The following ENOX1 variants were observed in gnomAD, a reference collection of about 807,000 sequenced individuals.
ENOX1 encodes candidate growth-related and time keeping constitutive hydroquinone (NADH) oxidase.
In ENOX1, 42 loss-of-function variants were observed where a neutral mutation model predicts 82.5. The observed-to-expected ratio is 0.51, with a 90% CI of 0.40 to 0.66. The LOEUF (loss-of-function observed/expected upper bound fraction) is 0.66. Among genes scored for constraint, ENOX1 ranks in the 30% least tolerant of loss-of-function variants. The pLI is 0.00. For missense variants in ENOX1, 608 were observed against 811.6 expected (o/e 0.75, Z 3.05); for synonymous variants, 271 against 282.2 (o/e 0.96, Z 0.40).
chr13:43,617,892 TTG>T (rs1435161723), intron 2 of ENOX1, among the ~76,000 whole-genome samples: 1 of 2,742 alleles, frequency 3.6e-4, no homozygotes, highest in Non-Finnish European at 3.8e-3. Context: ...ATCTACTGGT[TTG>T]TTGTTGTTGT....
intron 1 of ENOX1, among the ~76,000 whole-genome samples, chr13:43,678,590 A>G (rs2085629623): frequency 6.6e-6 from 1 of 152,200 alleles, no homozygotes; most frequent in Non-Finnish European, 1.5e-5. Context: ...TGGACTTTAG[A>G]ATTCCACAGA....
chr13:43,461,250 A>C (rs1009289804), intron 3 of ENOX1, among the ~76,000 whole-genome samples: 1 of 152,256 alleles, frequency 6.6e-6, no homozygotes, highest in Admixed American at 6.5e-5. Context: ...TGTTTAAAGC[A>C]AGGAGAAATC....
chr13:43,687,430 G>A (rs2086132868), intron 1 of ENOX1, among the ~76,000 whole-genome samples: 1 of 152,130 alleles, frequency 6.6e-6, no homozygotes, highest in African/African-American at 2.4e-5. Context: ...CGTATGTGTG[G>A]TTACACATGT....
chr13:43,670,213 TC>T (rs2085191743), intron 1 of ENOX1, among the ~76,000 whole-genome samples: 1 of 152,162 alleles, frequency 6.6e-6, no homozygotes, highest in Non-Finnish European at 1.5e-5. Context: ...ATGAAGATTA[TC>T]GTAATATAGA....
chr13:43,361,495 C>A, intron 5 of ENOX1, 43 bp from the exon 6 acceptor site: 1 of 1,556,446 alleles, frequency 6.4e-7, no homozygotes, highest in Non-Finnish European at 8.6e-7. Context: ...AGATTAAATC[C>A]ATTTTTGTTG....
intron 16 of ENOX1, among the ~76,000 whole-genome samples, chr13:43,221,939 T>C (rs996063643): frequency 1.8e-4 from 27 of 152,128 alleles, no homozygotes; most frequent in African/African-American, 6.5e-4. Context: ...ATAGAAAGCA[T>C]GTGGTCTGAT....
intron 11 of ENOX1, among the ~76,000 whole-genome samples, chr13:43,302,278 T>G (rs1390795976): frequency 3.3e-5 from 5 of 152,236 alleles, no homozygotes; most frequent in Non-Finnish European, 7.3e-5. Context: ...TGAATGTGAT[T>G]AAATATTTTG....
chr13:43,576,991 G>A (rs115848190), intron 2 of ENOX1, among the ~76,000 whole-genome samples: 235 of 152,168 alleles, frequency 1.5e-3, no homozygotes, highest in African/African-American at 4.7e-3. Flanking sequence ...ATTATTAAGC[G>A]TTTACTATGA....
chr13:43,405,363 C>T (rs542477217), intron 5 of ENOX1, among the ~76,000 whole-genome samples: 4 of 152,204 alleles, frequency 2.6e-5, no homozygotes, highest in South Asian at 2.1e-4. Flanking sequence ...GTCCCCAGGG[C>T]GTCAACAACC....
chr13:43,623,676 T>C (rs1449254580), intron 2 of ENOX1, among the ~76,000 whole-genome samples: 1 of 152,094 alleles, frequency 6.6e-6, no homozygotes, highest in East Asian at 1.9e-4. Context: ...GATCTGGAGC[T>C]AAAATTCACA....
chr13:43,713,802 C>A (rs1434000029), intron 1 of ENOX1, among the ~76,000 whole-genome samples: 1 of 151,578 alleles, frequency 6.6e-6, no homozygotes, highest in African/African-American at 2.4e-5. Flanking sequence ...ATTCTTCTCT[C>A]TTTTCTTCTT....
chr13:43,690,639 G>A (rs558512099), intron 1 of ENOX1, among the ~76,000 whole-genome samples: 32 of 152,188 alleles, frequency 2.1e-4, no homozygotes, highest in African/African-American at 7.2e-4. Flanking sequence ...GTGGATATAA[G>A]CAAGGAAAAA....
intron 11 of ENOX1, among the ~76,000 whole-genome samples, chr13:43,301,015 G>T (rs567741274): frequency 6.6e-6 from 1 of 152,334 alleles, no homozygotes; most frequent in South Asian, 2.1e-4. Flanking sequence ...AAGCCATAAG[G>T]AAATGGTTAT....
chr13:43,399,854 G>A (rs2053390573), intron 5 of ENOX1, among the ~76,000 whole-genome samples: 1 of 151,966 alleles, frequency 6.6e-6, no homozygotes, highest in Non-Finnish European at 1.5e-5. Context: ...ATAGGCTAAC[G>A]CCCCTCTGTC....
rs1361945236 is a variant in ENOX1 at position 43,506,682 on chromosome 13, T to C, written c.-218-22530A>G. Among the ~76,000 whole-genome samples the C allele has an allele frequency of 3.0e-5, 4 of 134,578 alleles. 2 individuals carry two copies. Among genetic ancestry groups the C allele is most frequent in the South Asian group, 4.5e-4 (2 of 4,400 alleles). The allele number at this position is 134,578 out of a possible 152,430, so 88.3% of individuals were successfully genotyped here. A position where few individuals can be genotyped will look rare whatever the true frequency, so the allele number is the denominator to read the frequency against. ...TAAAAAATGATGAGTTCATGTCCTT[T>C]GTAGGGACATGGATGAAGCTGGAAA... On this transcript the variant is annotated intron_variant, in intron 2 of 16. Coordinates refer to ENST00000690772, the MANE Select transcript of ENOX1 (RefSeq NM_001347969.2).
chr13:43,465,936 A>C (rs1477811173), intron 3 of ENOX1, among the ~76,000 whole-genome samples: 1 of 152,200 alleles, frequency 6.6e-6, no homozygotes, highest in Non-Finnish European at 1.5e-5. Context: ...CTTTAAAATA[A>C]TAATATATAA....
intron 1 of ENOX1, among the ~76,000 whole-genome samples, chr13:43,718,962 A>C (rs949667283): frequency 6.6e-6 from 1 of 152,188 alleles, no homozygotes; most frequent in African/African-American, 2.4e-5. Context: ...TGAATTAACC[A>C]AGAAATATTC....
At chr13:43,323,311 C>G (rs2047920541) in intron 10 of ENOX1, among the ~76,000 whole-genome samples, 1 of 152,178 alleles carries the variant, frequency 6.6e-6, no homozygotes, top group Non-Finnish European at 1.5e-5. Context: ...TAATTTAGAG[C>G]CACAGATCTT....
At chr13:43,412,758 A>G (rs772510074) in intron 4 of ENOX1, 87 bp downstream of exon 4, 2 of 1,515,838 alleles carry the variant, frequency 1.3e-6, no homozygotes, top group East Asian at 2.3e-5. Context: ...TCCTGGTTCA[A>G]TGCATATTTT....
Sources: gnomAD v4.1 joint callset for allele counts (sites outside exome capture counted in the v4.1 genomes callset) on GRCh38, gnomAD v4.1.1 for gene constraint, MANE v1.5 for transcripts, NCBI Gene and HGNC (gene_info 2026-07-23, HGNC 2026-07-21) for gene names.